Variants in CAMK2D observed in about 807,000 individuals in gnomAD.
CAMK2D encodes calcium/calmodulin dependent protein kinase II delta.
Under a neutral mutation model 84.0 loss-of-function variants are expected in CAMK2D, and 37 were observed. The observed-to-expected ratio is 0.44, with a 90% CI of 0.34 to 0.58. CAMK2D has a LOEUF of 0.58. Among genes scored for constraint, CAMK2D ranks in the 20% least tolerant of loss-of-function variants. CAMK2D has a pLI of 0.02. For synonymous variants in CAMK2D, 202 were observed against 212.5 expected (o/e 0.95, Z 0.43); for missense variants, 448 against 652.5 (o/e 0.69, Z 3.41).
intron 2 of CAMK2D, among the ~76,000 whole-genome samples, chr4:113,706,847 G>A (rs879540752): frequency 1.1e-4 from 17 of 152,106 alleles, no homozygotes; most frequent in Non-Finnish European, 2.2e-4. Flanking sequence ...TCAGGCATAA[G>A]TTATTTCCCA....
chr4:113,667,756 A>G (rs1387699504), intron 2 of CAMK2D, among the ~76,000 whole-genome samples: 1 of 152,320 alleles, frequency 6.6e-6, no homozygotes, highest in East Asian at 1.9e-4. Context: ...TTACAAAACT[A>G]TGCTATGTCA....
chr4:113,691,071 A>C (rs1203569321), intron 2 of CAMK2D, among the ~76,000 whole-genome samples: 1 of 152,218 alleles, frequency 6.6e-6, no homozygotes, highest in African/African-American at 2.4e-5. Context: ...AATATTCCTT[A>C]ATAGAACACT....
chr4:113,636,623 G>C (rs909439136), intron 3 of CAMK2D, among the ~76,000 whole-genome samples: 2 of 152,230 alleles, frequency 1.3e-5, no homozygotes, highest in Non-Finnish European at 2.9e-5. Flanking sequence ...TTTGGTTTCA[G>C]ATGAAGACCT....
intron 3 of CAMK2D, among the ~76,000 whole-genome samples, chr4:113,612,314 C>CT (rs1236621709): frequency 6.6e-6 from 1 of 152,156 alleles, no homozygotes; most frequent in Non-Finnish European, 1.5e-5. Flanking sequence ...ATTTCCTATT[C>CT]TTTTTTTCCT....
At chr4:113,572,141 G>A (rs1465423312) in intron 4 of CAMK2D, among the ~76,000 whole-genome samples, 1 of 152,002 alleles carries the variant, frequency 6.6e-6, no homozygotes, top group Non-Finnish European at 1.5e-5. Flanking sequence ...AACTTCCAGA[G>A]TTGACACATT....
At chr4:113,640,475 A>C (rs2099128076) in intron 3 of CAMK2D, among the ~76,000 whole-genome samples, 1 of 152,136 alleles carries the variant, frequency 6.6e-6, no homozygotes, top group Non-Finnish European at 1.5e-5. Context: ...TACAAGACAG[A>C]CTCAATCCCC....
At chr4:113,757,573 A>C (rs1562258763) in intron 2 of CAMK2D, among the ~76,000 whole-genome samples, 1 of 152,240 alleles carries the variant, frequency 6.6e-6, no homozygotes, top group East Asian at 1.9e-4. Context: ...CAAGGAAAAA[A>C]AATTGCAGAA....
chr4:113,479,855 G>T (rs1418736615), intron 16 of CAMK2D, among the ~76,000 whole-genome samples: 3 of 152,112 alleles, frequency 2.0e-5, no homozygotes, highest in Non-Finnish European at 4.4e-5. Context: ...TTAATAGATT[G>T]TATCACTATT....
intron 4 of CAMK2D, among the ~76,000 whole-genome samples, chr4:113,608,740 A>G (rs950003589): frequency 6.6e-6 from 1 of 152,142 alleles, no homozygotes. Context: ...AAAAGTCTTG[A>G]TTAGTTTAAA....
intron 6 of CAMK2D, 144 bp downstream of exon 6, chr4:113,547,500 T>C: frequency 2.0e-6 from 1 of 497,846 alleles, no homozygotes; most frequent in South Asian, 3.1e-5. Context: ...AGAGAGACTG[T>C]GGTGAGGGAA....
At chr4:113,697,181 A>G (rs553605353) in intron 2 of CAMK2D, among the ~76,000 whole-genome samples, 1 of 152,224 alleles carries the variant, frequency 6.6e-6, no homozygotes, top group Non-Finnish European at 1.5e-5. Flanking sequence ...ATATGGAAAC[A>G]TGTATATGCA....
At chr4:113,533,090 C>G (rs1457780778) in intron 7 of CAMK2D, among the ~76,000 whole-genome samples, 1 of 151,904 alleles carries the variant, frequency 6.6e-6, no homozygotes, top group East Asian at 1.9e-4. Context: ...CAATACCTCT[C>G]CTAAGCTTCC....
intron 3 of CAMK2D, among the ~76,000 whole-genome samples, chr4:113,622,095 A>G (rs2099048586): frequency 6.6e-6 from 1 of 152,180 alleles, no homozygotes; most frequent in Non-Finnish European, 1.5e-5. Context: ...CCTGAAAGAC[A>G]AATTTCCTGG....
Position 113,698,485 on chromosome 4 carries a change from T to C in CAMK2D, c.161-36713A>G, listed in dbSNP as rs140695054. ...CACATGCCATATGTATACAGCAGTGTCTGGTCCATTGTAAGAACTCAATAA... is the reference window on the plus strand; with the variant it reads ...CACATGCCATATGTATACAGCAGTGCCTGGTCCATTGTAAGAACTCAATAA... On this transcript the variant is annotated intron_variant, in intron 2 of 20. Transcript: ENST00000511664. Among the ~76,000 whole-genome samples the C allele has an allele frequency of 4.5e-3, 688 of 152,250 alleles. 7 individuals are homozygous for C. The highest frequency in any genetic ancestry group is 0.031 in the Middle Eastern group (9 of 294).
intron 3 of CAMK2D, among the ~76,000 whole-genome samples, chr4:113,618,325 C>A (rs138325579): frequency 6.6e-6 from 1 of 152,242 alleles, no homozygotes; most frequent in African/African-American, 2.4e-5. Context: ...AAAAAATTAA[C>A]CGAGCAGATG....
intron 4 of CAMK2D, among the ~76,000 whole-genome samples, chr4:113,555,935 G>T (rs1197974287): frequency 6.6e-6 from 1 of 152,106 alleles, no homozygotes; most frequent in Non-Finnish European, 1.5e-5. Flanking sequence ...TTTTCTCCGT[G>T]TAGAGATATA....
At chr4:113,520,419 T>C (rs1011234469) in intron 8 of CAMK2D, among the ~76,000 whole-genome samples, 2 of 151,378 alleles carry the variant, frequency 1.3e-5, no homozygotes, top group Non-Finnish European at 2.9e-5. Flanking sequence ...GCCTCAAAAA[T>C]AAAAATAAAA....
At chr4:113,732,208 C>T (rs1328071077) in intron 2 of CAMK2D, among the ~76,000 whole-genome samples, 1 of 152,030 alleles carries the variant, frequency 6.6e-6, no homozygotes, top group East Asian at 1.9e-4. Context: ...AATGTTGCCT[C>T]AAACTTCTGG....
intron 2 of CAMK2D, among the ~76,000 whole-genome samples, chr4:113,705,051 G>A (rs1330049922): frequency 6.6e-6 from 1 of 151,366 alleles, no homozygotes; most frequent in Non-Finnish European, 1.5e-5. Flanking sequence ...TTAAAAAGTG[G>A]TAGATTCCGG....
Sources: allele counts gnomAD v4.1 joint callset (sites outside exome capture counted in the v4.1 genomes callset), GRCh38; gene constraint gnomAD v4.1.1; transcripts MANE v1.5; gene names NCBI Gene and HGNC (gene_info 2026-07-23, HGNC 2026-07-21).